The following PDE11A variants were observed in gnomAD, a reference collection of about 807,000 sequenced individuals.
The protein encoded by PDE11A is dual 3',5'-cyclic-AMP and -GMP phosphodiesterase 11A.
A neutral mutation model predicts 100.5 loss-of-function variants in PDE11A; 100 were observed. The ratio of observed to expected loss-of-function variants is 1.00; its 90% CI spans 0.85 to 1.18. The LOEUF is 1.18. Among genes scored for constraint, PDE11A ranks in the 50% most tolerant of loss-of-function variants. The pLI is 0.00. For synonymous variants in PDE11A, 381 were observed against 420.8 expected (o/e 0.91, Z 1.16); for missense variants, 1,141 against 1,152.6 (o/e 0.99, Z 0.15).
chr2:177,734,954 A>T (rs368336798), intron 10 of PDE11A, among the ~76,000 whole-genome samples: 63 of 152,312 alleles, frequency 4.1e-4, no homozygotes, highest in African/African-American at 1.4e-3. Context: ...GCCCCAGGAG[A>T]CCGCCCAGTT....
chr2:177,897,276 A>G (rs746660722), intron 4 of PDE11A, among the ~76,000 whole-genome samples: 1 of 152,204 alleles, frequency 6.6e-6, no homozygotes, highest in Non-Finnish European at 1.5e-5. Context: ...TTATTTCAAT[A>G]TTGTTGCTTA....
chr2:178,060,183 C>G (rs1457617978), intron 1 of PDE11A, among the ~76,000 whole-genome samples: 1 of 152,152 alleles, frequency 6.6e-6, no homozygotes, highest in East Asian at 1.9e-4. Context: ...AGCCATCTAT[C>G]AATCAGGAAG....
intron 15 of PDE11A, chr2:177,686,697 A>ATTTTTTTTTTTTTT (rs202225715): frequency 8.1e-6 from 1 of 124,060 alleles, no homozygotes; most frequent in African/African-American, 3.2e-5. Flanking sequence ...GTACATGTAA[A>ATTTTTTTTTTTTTT]TTTTTTTTTT....
At chr2:177,858,090 A>T (rs2105663499) in intron 5 of PDE11A, among the ~76,000 whole-genome samples, 1 of 152,276 alleles carries the variant, frequency 6.6e-6, no homozygotes, top group East Asian at 1.9e-4. Context: ...CTTATAAAAA[A>T]TTAATTCAAG....
chr2:177,942,456 G>A (rs1373589224), intron 2 of PDE11A, among the ~76,000 whole-genome samples: 1 of 150,604 alleles, frequency 6.6e-6, no homozygotes, highest in Non-Finnish European at 1.5e-5. Flanking sequence ...AGGCTGGAGT[G>A]CAATGGCGTG....
At chr2:177,768,532 A>G (rs2082268617) in intron 10 of PDE11A, among the ~76,000 whole-genome samples, 1 of 152,186 alleles carries the variant, frequency 6.6e-6, no homozygotes, top group Non-Finnish European at 1.5e-5. Flanking sequence ...AAACTTTCAA[A>G]AGGAAAGGAA....
intron 10 of PDE11A, among the ~76,000 whole-genome samples, chr2:177,757,392 G>A (rs2082104807): frequency 6.6e-6 from 1 of 152,168 alleles, no homozygotes; most frequent in Non-Finnish European, 1.5e-5. Flanking sequence ...CTCCTTCAGA[G>A]GCTTGCTGTT....
At chr2:177,772,602 C>T (rs1388938089) in intron 9 of PDE11A, among the ~76,000 whole-genome samples, 1 of 151,972 alleles carries the variant, frequency 6.6e-6, no homozygotes, top group Non-Finnish European at 1.5e-5. Flanking sequence ...ACTCTTCAAA[C>T]TTTACCTTTA....
intron 19 of PDE11A, among the ~76,000 whole-genome samples, chr2:177,632,406 C>A (rs1159893123): frequency 1.3e-5 from 2 of 152,168 alleles, no homozygotes. Context: ...CTGACTTATT[C>A]ATACCCATCT....
intron 13 of PDE11A, among the ~76,000 whole-genome samples, chr2:177,706,370 G>T (rs531971555): frequency 2.4e-4 from 36 of 152,294 alleles, no homozygotes; most frequent in African/African-American, 7.0e-4. Context: ...CACTTTAAGA[G>T]AAGGGATGTT....
chr2:178,018,413 A>G (rs140345364), intron 1 of PDE11A: 243 of 266,202 alleles, frequency 9.1e-4, no homozygotes, highest in African/African-American at 7.5e-3. Flanking sequence ...TGTGATTTCA[A>G]CTATCATGAT....
intron 2 of PDE11A, among the ~76,000 whole-genome samples, chr2:178,000,955 G>A (rs574113729): frequency 1.1e-4 from 17 of 152,214 alleles, no homozygotes; most frequent in African/African-American, 2.9e-4. Context: ...AACATCCACC[G>A]AGTGTCCCCA....
At chr2:177,983,024 T>C (rs2085901419) in intron 2 of PDE11A, among the ~76,000 whole-genome samples, 1 of 150,546 alleles carries the variant, frequency 6.6e-6, no homozygotes, top group Non-Finnish European at 1.5e-5. Context: ...TGCAGTGACC[T>C]GAGATCGCGC....
intron 2 of PDE11A, among the ~76,000 whole-genome samples, chr2:177,925,055 G>A (rs886500115): frequency 6.6e-6 from 1 of 150,402 alleles, no homozygotes; most frequent in African/African-American, 2.4e-5. Context: ...CAAAGGACAT[G>A]AACTCATCAT....
chr2:177,639,235 T>G (rs1233999625), intron 19 of PDE11A, among the ~76,000 whole-genome samples: 1 of 152,218 alleles, frequency 6.6e-6, no homozygotes, highest in Non-Finnish European at 1.5e-5. Context: ...TGAAAAGTGT[T>G]GTTTCATATA....
intron 19 of PDE11A, among the ~76,000 whole-genome samples, chr2:177,641,398 T>A (rs969800785): frequency 4.0e-5 from 6 of 149,050 alleles, no homozygotes; most frequent in African/African-American, 1.5e-4. Flanking sequence ...GTACACATCT[T>A]TATATGCATT....
intron 9 of PDE11A, among the ~76,000 whole-genome samples, chr2:177,773,036 T>G (rs1286745640): frequency 6.6e-6 from 1 of 152,188 alleles, no homozygotes; most frequent in Admixed American, 6.5e-5. Context: ...TTCTTTCTTT[T>G]TTTTTGAAGA....
At chr2:177,849,800 C>CA (rs1359644725) in intron 5 of PDE11A, among the ~76,000 whole-genome samples, 105 of 127,786 alleles carry the variant, frequency 8.2e-4, no homozygotes, top group African/African-American at 2.9e-3. Flanking sequence ...AAAAAAAAAA[C>CA]AAAAAAACCT....
chr2:177,697,395 T>C lies in PDE11A; in HGVS notation c.2282A>G (p.Tyr761Cys), dbSNP rs749815200. The C allele has an allele frequency of 1.2e-6, 2 of 1,600,076 alleles. No homozygotes were observed. Among genetic ancestry groups the C allele is most frequent in the Non-Finnish European group, 1.7e-6 (2 of 1,167,404 alleles). The change falls in exon 15 of 20, where the codon TAT becomes TGT. Residue 761 changes from tyrosine to cysteine, a missense_variant. Physicochemically the swap from Tyr to Cys is radical, Grantham distance 194. Transcript: ENST00000286063. ...NIFANLSSKE[Y>C]SDLMQLLKQS... ...CTTCAAAAGCTGCATAAGGTCACTA[T>C]ATTCCTTGGAGGACAGGTTAGCAAA...
Sources: gnomAD v4.1 joint callset for allele counts (sites outside exome capture counted in the v4.1 genomes callset) on GRCh38, gnomAD v4.1.1 for gene constraint, MANE v1.5 for transcripts, NCBI Gene and HGNC (gene_info 2026-07-23, HGNC 2026-07-21) for gene names.